PITPNC1: variants seen among roughly 807,000 people sequenced by gnomAD.
The protein encoded by PITPNC1 is cytoplasmic phosphatidylinositol transfer protein 1.
PITPNC1 carries 18 observed loss-of-function variants against 44.7 expected under a neutral mutation model. The ratio of observed to expected loss-of-function variants is 0.40; its 90% CI spans 0.28 to 0.60. The LOEUF (loss-of-function observed/expected upper bound fraction) is 0.60. Ranked by LOEUF, PITPNC1 falls within the 20% of genes least tolerant of loss-of-function variation. PITPNC1 has a pLI of 0.39. For missense variants in PITPNC1, 290 were observed against 418.4 expected, an observed-to-expected ratio of 0.69 and a Z score of 2.68; for synonymous variants, 141 against 149.6, an observed-to-expected ratio of 0.94 and a Z score of 0.42.
intron 6 of PITPNC1, among the ~76,000 whole-genome samples, chr17:67,668,719 A>G (rs1439380841): frequency 1.3e-5 from 2 of 152,042 alleles, no homozygotes; most frequent in African/African-American, 4.8e-5. Context: ...AAAATTAGCC[A>G]GGCGTGGTGG....
chr17:67,378,965 C>A (rs1267167517), intron 1 of PITPNC1: 2 of 985,058 alleles, frequency 2.0e-6, no homozygotes, highest in East Asian at 1.1e-4. Flanking sequence ...GGCGGGGGCT[C>A]GTCCTCCAAG....
At chr17:67,649,630 ATC>A (rs1452862693) in intron 6 of PITPNC1, among the ~76,000 whole-genome samples, 1 of 152,070 alleles carries the variant, frequency 6.6e-6, no homozygotes, top group Non-Finnish European at 1.5e-5. Context: ...CATTCCTACA[ATC>A]CCAGCACTTT....
intron 1 of PITPNC1, among the ~76,000 whole-genome samples, chr17:67,402,945 G>A (rs1173654054): frequency 6.6e-6 from 1 of 152,266 alleles, no homozygotes; most frequent in African/African-American, 2.4e-5. Context: ...GGGATTACAG[G>A]CGTGAGCCAC....
intron 1 of PITPNC1, among the ~76,000 whole-genome samples, chr17:67,420,852 A>T (rs1334617018): frequency 6.6e-6 from 1 of 152,158 alleles, no homozygotes; most frequent in Non-Finnish European, 1.5e-5. Flanking sequence ...GTTTCTTCTG[A>T]TCAATCAATA....
intron 2 of PITPNC1, among the ~76,000 whole-genome samples, chr17:67,546,299 A>G (rs372996759): frequency 0.014 from 40 of 2,890 alleles, no homozygotes; most frequent in African/African-American, 0.016. Context: ...ATATATGTAT[A>G]TATATATATA....
At chr17:67,666,897 C>T (rs943388763) in intron 6 of PITPNC1, among the ~76,000 whole-genome samples, 1 of 152,240 alleles carries the variant, frequency 6.6e-6, no homozygotes, top group African/African-American at 2.4e-5. Flanking sequence ...ACGGCCAGAT[C>T]TGAGAGAATA....
intron 1 of PITPNC1, among the ~76,000 whole-genome samples, chr17:67,387,014 C>G (rs778572417): frequency 1.3e-5 from 2 of 152,146 alleles, no homozygotes; most frequent in Non-Finnish European, 2.9e-5. Flanking sequence ...TTAAAACGGA[C>G]AAACCAATCG....
chr17:67,420,637 G>T (rs1182446297), intron 1 of PITPNC1, among the ~76,000 whole-genome samples: 1 of 151,886 alleles, frequency 6.6e-6, no homozygotes, highest in African/African-American at 2.4e-5. Flanking sequence ...TTGCTATGTT[G>T]GCCAGGCTGG....
chr17:67,632,444 T>A, intron 6 of PITPNC1: 1 of 579,188 alleles, frequency 1.7e-6, no homozygotes, highest in Non-Finnish European at 3.1e-6. Context: ...TGTTACTCAA[T>A]CTCCACTTAG....
Position 67,482,184 on chromosome 17 carries a change from C to T in PITPNC1, c.49-50618C>T, listed in dbSNP as rs571609156. Reference sequence around the variant, plus strand: ...TTTGTGAAATGCACATGATCTTTAACATAAAATATCTTGGAAGAGCTACAA... The same window carrying T: ...TTTGTGAAATGCACATGATCTTTAATATAAAATATCTTGGAAGAGCTACAA... On this transcript the variant is annotated intron_variant, in intron 1 of 8. Coordinates refer to ENST00000581322, the MANE Select transcript of PITPNC1 (RefSeq NM_012417.4). Among the ~76,000 whole-genome samples the T allele has an allele frequency of 1.1e-3, 165 of 152,268 alleles. 1 individual carries two copies. The highest frequency in any genetic ancestry group is 2.2e-3 in the Non-Finnish European group (147 of 68,014).
chr17:67,523,571 G>A (rs2040355423), intron 1 of PITPNC1, among the ~76,000 whole-genome samples: 1 of 151,102 alleles, frequency 6.6e-6, no homozygotes, highest in African/African-American at 2.4e-5. Context: ...ATAATAAACT[G>A]TGGCTCAGAG....
In PITPNC1 at chr17:67,654,574, G is replaced by T. The variant is rs530145284; in HGVS notation, c.463-14934G>T. Among the ~76,000 whole-genome samples, 6 of 152,284 alleles carry T rather than the reference G, an allele frequency of 3.9e-5. No homozygotes were observed. In the East Asian group the frequency reaches 7.7e-4, roughly 20 times the overall value. On this transcript the variant is annotated intron_variant, in intron 6 of 8. Coordinates refer to ENST00000581322, the MANE Select transcript of PITPNC1 (RefSeq NM_012417.4). ...GCATCACGCACCTTCTATGTGCCAG[G>T]CTGGGCTGGGGACTTTGCCTACCTT...
At chr17:67,536,474 G>A (rs1400554791) in intron 2 of PITPNC1, among the ~76,000 whole-genome samples, 1 of 152,134 alleles carries the variant, frequency 6.6e-6, no homozygotes, top group Admixed American at 6.5e-5. Context: ...TGATCCACCA[G>A]CCTCGGCCTC....
intron 1 of PITPNC1, among the ~76,000 whole-genome samples, chr17:67,486,449 G>A (rs971820666): frequency 6.6e-6 from 1 of 152,122 alleles, no homozygotes; most frequent in African/African-American, 2.4e-5. Context: ...TGCTAAGCTT[G>A]TGTCTGCCCA....
Position 67,665,715 on chromosome 17 carries a change from G to A in PITPNC1, c.463-3793G>A, listed in dbSNP as rs187905678. On this transcript the variant is annotated intron_variant, in intron 6 of 8. Transcript: ENST00000581322. Reference sequence around the variant, plus strand: ...TAGGGTTGAAGCATTCACTCAACAAGCATGTATTCAACATCTGTGATGTAC... The same window carrying A: ...TAGGGTTGAAGCATTCACTCAACAAACATGTATTCAACATCTGTGATGTAC... Among the ~76,000 whole-genome samples, 4 of 152,312 alleles carry A rather than the reference G, an allele frequency of 2.6e-5. No individual in the cohort carries two copies. In the East Asian group the frequency reaches 7.7e-4, roughly 29 times the overall value.
intron 5 of PITPNC1, among the ~76,000 whole-genome samples, chr17:67,617,610 T>C (rs2041776761): frequency 6.6e-6 from 1 of 152,206 alleles, no homozygotes; most frequent in African/African-American, 2.4e-5. Flanking sequence ...ATTGATTCTC[T>C]TGCAGTTCTG....
At chr17:67,477,524 C>T (rs1395335596) in intron 1 of PITPNC1, among the ~76,000 whole-genome samples, 1 of 151,948 alleles carries the variant, frequency 6.6e-6, no homozygotes, top group South Asian at 2.1e-4. Context: ...GGATTACAGA[C>T]GTGAGCCACC....
chr17:67,380,382 C>A (rs892930973), intron 1 of PITPNC1, among the ~76,000 whole-genome samples: 4 of 152,148 alleles, frequency 2.6e-5, no homozygotes, highest in African/African-American at 9.7e-5. Context: ...GCCAGCCCTT[C>A]CTTTCTTAAT....
chr17:67,670,016 TG>T (rs1001934893), intron 7 of PITPNC1, among the ~76,000 whole-genome samples: 1 of 151,740 alleles, frequency 6.6e-6, no homozygotes, highest in African/African-American at 2.4e-5. Context: ...GAGATTGCAG[TG>T]AACCAAGATC....
Sources: gnomAD v4.1 joint callset for allele counts (sites outside exome capture counted in the v4.1 genomes callset) on GRCh38, gnomAD v4.1.1 for gene constraint, MANE v1.5 for transcripts, NCBI Gene and HGNC (gene_info 2026-07-23, HGNC 2026-07-21) for gene names.